Variants in ARHGAP35 observed in about 807,000 individuals in gnomAD.
The protein encoded by ARHGAP35 is rho GTPase-activating protein 35.
Under a neutral mutation model 111.1 loss-of-function variants are expected in ARHGAP35, and 15 were observed. The observed-to-expected ratio is 0.13, with a 90% confidence interval of 0.09 to 0.21. The LOEUF is 0.21. Ranked by LOEUF, ARHGAP35 falls within the 10% of genes least tolerant of loss-of-function variation. ARHGAP35 has a pLI of 1.00. For missense variants in ARHGAP35, 1,262 were observed against 1,873.0 expected, an observed-to-expected ratio of 0.67 and a Z score of 6.02; for synonymous variants, 643 against 710.3, an observed-to-expected ratio of 0.91 and a Z score of 1.51.
At chr19:46,887,715 T>G (rs1196069363) in intron 1 of ARHGAP35, among the ~76,000 whole-genome samples, 1 of 152,128 alleles carries the variant, frequency 6.6e-6, no homozygotes, top group Non-Finnish European at 1.5e-5. Context: ...GGCCGTTTCA[T>G]ACACTTCTCA....
Position 46,921,256 on chromosome 19 carries a change from G to A in ARHGAP35, c.2581G>A (p.Ala861Thr). Residue 861 changes from alanine to threonine, a missense_variant, in exon 2 of 7, where the codon GCC (alanine) becomes ACC (threonine). Ala to Thr is a moderately conservative substitution (Grantham distance 58). Around this residue, in one of 8 missense-constraint regions of ARHGAP35, gnomAD observed 579 missense variants for 716.9 expected, o/e 0.81. Coordinates refer to ENST00000672722, the MANE Select transcript of ARHGAP35 (RefSeq NM_004491.5). This position sits in a 1 kb window ranked among gnomAD's most constrained non-coding sequence, Gnocchi z 4.3. ...TCATGGGTACATTGTTTTTTATTCA[G>A]CCAAACGTAAGGCCTCTTTGGCTAT... ...LVHGYIVFYS[A>T]KRKASLAMLR... 6.2e-7 allele frequency: 1 copy of A among 1,613,922 alleles called. No homozygotes were observed. The highest frequency in any genetic ancestry group is 1.1e-5 in the South Asian group (1 of 91,072).
intron 3 of ARHGAP35, among the ~76,000 whole-genome samples, chr19:46,977,520 G>A (rs866411577): frequency 1.7e-4 from 26 of 152,274 alleles, no homozygotes; most frequent in African/African-American, 6.0e-4. Flanking sequence ...CCTTTCTGAA[G>A]ACAGCTACTG....
At chr19:46,891,174 C>T (rs2056021705) in intron 1 of ARHGAP35, among the ~76,000 whole-genome samples, 1 of 152,100 alleles carries the variant, frequency 6.6e-6, no homozygotes, top group Non-Finnish European at 1.5e-5. Context: ...TAACTATCAC[C>T]CGCCCTCCAG....
chr19:46,869,943 C>CTTTT (rs746775975), intron 1 of ARHGAP35, among the ~76,000 whole-genome samples: 1 of 111,164 alleles, frequency 9.0e-6, no homozygotes, highest in African/African-American at 3.6e-5. Context: ...TCACTGTGTA[C>CTTTT]TTTTTTTTTT....
intron 3 of ARHGAP35, among the ~76,000 whole-genome samples, chr19:46,974,807 A>G (rs767701056): frequency 6.6e-6 from 1 of 151,960 alleles, no homozygotes; most frequent in Non-Finnish European, 1.5e-5. Flanking sequence ...ACCAGCCCCC[A>G]TATCCTGCAC....
At chr19:46,933,907 A>G (rs920326643) in intron 2 of ARHGAP35, among the ~76,000 whole-genome samples, 5 of 152,234 alleles carry the variant, frequency 3.3e-5, no homozygotes, top group Non-Finnish European at 7.3e-5. Flanking sequence ...TTGTTAGAAC[A>G]CACCAGCATC....
chr19:46,913,188 T>C (rs938605749), intron 1 of ARHGAP35, among the ~76,000 whole-genome samples: 3 of 148,036 alleles, frequency 2.0e-5, no homozygotes, highest in Non-Finnish European at 4.5e-5. Flanking sequence ...ATTTTTGTCT[T>C]AGGGGGCATT....
chr19:46,890,077 A>C (rs143989540), intron 1 of ARHGAP35, among the ~76,000 whole-genome samples: 8 of 152,196 alleles, frequency 5.3e-5, no homozygotes, highest in Non-Finnish European at 8.8e-5. Flanking sequence ...AAAGGAATCC[A>C]TGACCCAAAA....
intron 1 of ARHGAP35, among the ~76,000 whole-genome samples, chr19:46,880,158 G>A (rs2055953028): frequency 6.6e-6 from 1 of 151,966 alleles, no homozygotes. Flanking sequence ...TCCTGGCTGG[G>A]CGTGTGGCTC....
intron 1 of ARHGAP35, among the ~76,000 whole-genome samples, chr19:46,893,609 C>G (rs2056037422): frequency 6.6e-6 from 1 of 152,002 alleles, no homozygotes; most frequent in South Asian, 2.1e-4. Flanking sequence ...GAATACTTCT[C>G]TCCCCCCTTG....
chr19:46,873,850 G>A (rs1021760874), intron 1 of ARHGAP35, among the ~76,000 whole-genome samples: 1 of 151,718 alleles, frequency 6.6e-6, no homozygotes, highest in African/African-American at 2.4e-5. Flanking sequence ...CGGGGTACAC[G>A]CCATTCTCTG....
At chr19:46,974,560 T>C (rs117029614) in intron 3 of ARHGAP35, among the ~76,000 whole-genome samples, 1 of 152,266 alleles carries the variant, frequency 6.6e-6, no homozygotes, top group East Asian at 1.9e-4. Context: ...ACCAGGAGCT[T>C]CTGTGCCCTC....
At chr19:46,976,710 G>A (rs970698822) in intron 3 of ARHGAP35, among the ~76,000 whole-genome samples, 1 of 152,200 alleles carries the variant, frequency 6.6e-6, no homozygotes, top group African/African-American at 2.4e-5. Context: ...CAAACAGGAC[G>A]GTACAGCAGG....
chr19:46,984,751 C>T (rs2082678451), intron 3 of ARHGAP35, among the ~76,000 whole-genome samples: 1 of 152,178 alleles, frequency 6.6e-6, no homozygotes, highest in South Asian at 2.1e-4. Flanking sequence ...TCCAGTGCTT[C>T]CATTTGTGTG....
At chr19:46,862,031 C>A (rs757511182) in intron 1 of ARHGAP35, among the ~76,000 whole-genome samples, 5 of 152,332 alleles carry the variant, frequency 3.3e-5, no homozygotes, top group Non-Finnish European at 2.9e-5. Context: ...TCGGACTTGG[C>A]TGCACCGTGC....
In ARHGAP35 at chr19:46,996,655, A is replaced by G. The variant is rs563514724; in HGVS notation, c.4037-2649A>G. On this transcript the variant is annotated intron_variant, in intron 5 of 6. Coordinates refer to ENST00000672722, the MANE Select transcript of ARHGAP35 (RefSeq NM_004491.5). ...ACAGCTGTGTTTGGGTCGTGCAGGCACCTACGGAGAGACCTGTGTCCTCCT... is the reference window on the plus strand; with the variant it reads ...ACAGCTGTGTTTGGGTCGTGCAGGCGCCTACGGAGAGACCTGTGTCCTCCT... Among the ~76,000 whole-genome samples the G allele has an allele frequency of 6.6e-5, 10 of 152,268 alleles. No individual in the cohort carries two copies. In the South Asian group the frequency reaches 2.1e-3, roughly 32 times the overall value.
intron 3 of ARHGAP35, among the ~76,000 whole-genome samples, chr19:46,942,770 C>T (rs1211524248): frequency 4.1e-5 from 6 of 145,364 alleles, no homozygotes; most frequent in South Asian, 4.3e-4. Context: ...GAGCTCTGAT[C>T]GCACCACTGC....
At chr19:46,904,402 T>G (rs1443126749) in intron 1 of ARHGAP35, among the ~76,000 whole-genome samples, 2 of 152,340 alleles carry the variant, frequency 1.3e-5, no homozygotes, top group East Asian at 1.9e-4. Context: ...AGATTTTGCT[T>G]CTTCTTTATC....
At chr19:46,944,955 T>C (rs184256513) in intron 3 of ARHGAP35, among the ~76,000 whole-genome samples, 1 of 152,342 alleles carries the variant, frequency 6.6e-6, no homozygotes, top group Admixed American at 6.5e-5. Context: ...AAAATCAGAA[T>C]GTGGTCAAGA....
Sources: allele counts gnomAD v4.1 joint callset (sites outside exome capture counted in the v4.1 genomes callset), GRCh38; gene constraint gnomAD v4.1.1; regional missense constraint gnomAD v4.1.1; non-coding constraint Gnocchi (gnomAD v3.1); transcripts MANE v1.5; gene names NCBI Gene and HGNC (gene_info 2026-07-23, HGNC 2026-07-21).